The following OARD1 variants were observed in gnomAD, a reference collection of about 807,000 sequenced individuals.
OARD1 encodes the protein ADP-ribose glycohydrolase OARD1.
OARD1 carries 19 observed loss-of-function variants against 19.7 expected under a neutral mutation model. That is an observed-to-expected ratio of 0.96 (90% CI 0.67 to 1.41). OARD1 has a LOEUF of 1.41. OARD1 is among the 40% of genes most tolerant of loss of function. OARD1 has a pLI of 0.00. For synonymous variants in OARD1, 70 were observed against 61.8 expected (o/e 1.13, Z -0.62); for missense variants, 190 against 183.8 (o/e 1.03, Z -0.20).
At chr6:41,074,502 C>G (rs908081186), upstream of OARD1, among the ~76,000 whole-genome samples, 4 of 152,214 alleles carry the variant, frequency 2.6e-5, no homozygotes, top group African/African-American at 9.7e-5. Context: ...AGGCTTATCA[C>G]CACCGCACTT....
intron 1 of OARD1, chr6:41,080,941 C>A: frequency 2.0e-6 from 3 of 1,473,006 alleles, no homozygotes; most frequent in South Asian, 1.1e-5. Context: ...ATGAACTTCT[C>A]CTCTCCTCAT....
In OARD1 at chr6:41,068,858, A is replaced by T; in HGVS notation, c.339T>A (p.Thr113=). 7 of 1,587,474 alleles carry T rather than the reference A, an allele frequency of 4.4e-6. No homozygotes were observed. The highest frequency in any genetic ancestry group is 6.0e-6 in the Non-Finnish European group (7 of 1,159,090). The stretch of plus-strand genomic sequence containing the variant: ...TTCCTTGCCTGGGCATGGAGAGGTC[A>T]GTGACTCCATTCTTCAGACAATGAG... The part of the protein sequence containing the change: ...MKSHCLKNGV[T]DLSMPRIGCG... The change falls in exon 5 of 6, where the codon ACT becomes ACA. Residue 113 remains threonine, a synonymous_variant. Coordinates refer to ENST00000424266, the MANE Select transcript of OARD1 (RefSeq NM_001329686.2).
intron 1 of OARD1, among the ~76,000 whole-genome samples, chr6:41,089,267 A>C (rs919539891): frequency 2.0e-5 from 3 of 152,212 alleles, no homozygotes; most frequent in African/African-American, 7.2e-5. Context: ...TACAGGCGTG[A>C]GCCACCACAC....
chr6:41,070,918 G>C, intron 3 of OARD1: 1 of 612,768 alleles, frequency 1.6e-6, no homozygotes, highest in Admixed American at 2.9e-5. Flanking sequence ...CGTCAAGAAA[G>C]TTTCATGATA....
At chr6:41,092,163 A>G (rs1764213418) in intron 1 of OARD1, among the ~76,000 whole-genome samples, 1 of 152,250 alleles carries the variant, frequency 6.6e-6, no homozygotes, top group African/African-American at 2.4e-5. Flanking sequence ...ATGTCAAAAT[A>G]GGATGTTAAA....
At chr6:41,073,849 C>G (rs1205572404), upstream of OARD1, among the ~76,000 whole-genome samples, 2 of 152,202 alleles carry the variant, frequency 1.3e-5, no homozygotes, top group Non-Finnish European at 2.9e-5. Context: ...CCTTTTGGCT[C>G]GTCATTTCCT....
In OARD1 at chr6:41,065,297, A is replaced by G. The variant is rs1581993521; in HGVS notation, c.*2038T>C. On this transcript the variant is annotated 3_prime_UTR_variant, in exon 6 of 6. Coordinates refer to ENST00000424266, the MANE Select transcript of OARD1 (RefSeq NM_001329686.2). ...TTTTGACTTGTGTTAAGGTTTACAGATGGTACTCAATTTACAATGGTTTGT... is the reference window on the plus strand; with the variant it reads ...TTTTGACTTGTGTTAAGGTTTACAGGTGGTACTCAATTTACAATGGTTTGT... 6.6e-6 allele frequency: 1 copy of G among 152,212 alleles called. No individual in the cohort carries two copies. The highest frequency in any genetic ancestry group is 2.1e-4 in the South Asian group (1 of 4,836). 9.4% of individuals were successfully genotyped at this position (152,212 alleles called of 1,614,324 possible).
upstream of OARD1, chr6:41,073,223 CCAGCGG>C (rs1309925051): frequency 1.3e-5 from 2 of 151,482 alleles, no homozygotes; most frequent in African/African-American, 4.8e-5. Context: ...AGCCGGGCGG[CCAGCGG>C]CCCCGGCCCG....
chr6:41,089,564 T>C (rs1394502456), intron 1 of OARD1: 1 of 1,596,512 alleles, frequency 6.3e-7, no homozygotes, highest in East Asian at 2.3e-5. Context: ...CCTTTTTTTA[T>C]GTTCTTTTCT....
intron 1 of OARD1, among the ~76,000 whole-genome samples, chr6:41,097,182 T>C (rs1056638788): frequency 6.6e-6 from 1 of 152,230 alleles, no homozygotes; most frequent in Non-Finnish European, 1.5e-5. Context: ...TTATTGTCTC[T>C]TCTTTCCTAA....
intron 1 of OARD1, among the ~76,000 whole-genome samples, chr6:41,095,709 G>A (rs1204140239): frequency 6.6e-6 from 1 of 152,184 alleles, no homozygotes; most frequent in Non-Finnish European, 1.5e-5. Context: ...AGGATTACAG[G>A]CGCACACCAT....
At chr6:41,085,795 G>T (rs1226709322) in intron 1 of OARD1, among the ~76,000 whole-genome samples, 1 of 151,554 alleles carries the variant, frequency 6.6e-6, no homozygotes, top group Admixed American at 6.6e-5. Context: ...TCAACTTGAT[G>T]AATCAGAATT....
At chr6:41,093,181 C>A in intron 1 of OARD1, 1 of 1,086,726 alleles carries the variant, frequency 9.2e-7, no homozygotes, top group Non-Finnish European at 1.3e-6. Flanking sequence ...ACGTACCTTC[C>A]AAACAATTGA....
At chr6:41,075,703 T>C (rs2114082406), upstream of OARD1, 1 of 148,810 alleles carries the variant, frequency 6.7e-6, no homozygotes, top group Non-Finnish European at 1.5e-5. Context: ...AGGCCTCTGA[T>C]AGCAAAGAAA....
In OARD1 at chr6:41,078,980, G is replaced by T. The variant is rs1049965057; in HGVS notation, c.-41-7305C>A. 9.6e-6 allele frequency: 8 copies of T among 835,376 alleles called. No individual in the cohort carries two copies. In the African/African-American group the frequency reaches 1.0e-4, roughly 10 times the overall value. 51.7% of individuals were successfully genotyped at this position (835,376 alleles called of 1,614,324 possible). On this transcript the variant is annotated intron_variant, in intron 1 of 4. Transcript: ENST00000480585. ...TTATCCAGGTTAATTGTCTGGTAAGGCCTTTATTGACAATCTCACTTTAGT... is the reference window on the plus strand; with the variant it reads ...TTATCCAGGTTAATTGTCTGGTAAGTCCTTTATTGACAATCTCACTTTAGT...
Position 41,070,117 on chromosome 6 carries a change from C to G in OARD1, c.202G>C (p.Val68Leu). ...CGCCCATCTCTCTTCAGAACAGCCA[C>G]TTCTCCAGATTTCTTTTCTAAGAAA... ...LLNQQKKSGE[V>L]AVLKRDGRYI... Residue 68 changes from valine to leucine, a missense_variant, in exon 4 of 6, where the codon GTG becomes CTG. Coordinates refer to ENST00000424266, the MANE Select transcript of OARD1 (RefSeq NM_001329686.2). 1 of 1,581,012 alleles carries G rather than the reference C, an allele frequency of 6.3e-7. No homozygotes were observed. Among genetic ancestry groups the G allele is most frequent in the Non-Finnish European group, 8.7e-7 (1 of 1,153,762 alleles).
At chr6:41,069,129 G>C in intron 4 of OARD1, 176 bp from the exon 5 acceptor site, 1 of 431,896 alleles carries the variant, frequency 2.3e-6, no homozygotes. Flanking sequence ...AGACCTTCAA[G>C]AAAATCCACT....
At chr6:41,074,707 G>C (rs1395276112), upstream of OARD1, among the ~76,000 whole-genome samples, 2 of 152,196 alleles carry the variant, frequency 1.3e-5, no homozygotes, top group Non-Finnish European at 2.9e-5. Context: ...ATCTTGCTAA[G>C]GAATATTTTG....
upstream of OARD1, among the ~76,000 whole-genome samples, chr6:41,073,867 C>T (rs978104738): frequency 1.3e-5 from 2 of 152,216 alleles, no homozygotes; most frequent in Non-Finnish European, 2.9e-5. Flanking sequence ...CCTCTCTTCC[C>T]CGCCCCGTTC....
Sources: allele counts gnomAD v4.1 joint callset (sites outside exome capture counted in the v4.1 genomes callset), GRCh38; gene constraint gnomAD v4.1.1; transcripts MANE v1.5; gene names NCBI Gene and HGNC (gene_info 2026-07-23, HGNC 2026-07-21).